Variants in SFMBT2 observed in about 807,000 individuals in gnomAD.
The protein encoded by SFMBT2 is scm-like with four MBT domains protein 2.
Under a neutral mutation model 110.1 loss-of-function variants are expected in SFMBT2, and 38 were observed. The observed-to-expected ratio is 0.35, with a 90% CI of 0.27 to 0.45. SFMBT2 has a LOEUF of 0.45. SFMBT2 is among the 20% of genes least tolerant of loss of function. SFMBT2 has a pLI of 1.00. For synonymous variants in SFMBT2, 425 were observed against 425.4 expected (o/e 1.00, Z 0.01); for missense variants, 1,011 against 1,094.9 (o/e 0.92, Z 1.08).
intron 16 of SFMBT2, among the ~76,000 whole-genome samples, chr10:7,176,886 G>A (rs1457970395): frequency 6.6e-6 from 1 of 152,132 alleles, no homozygotes; most frequent in East Asian, 1.9e-4. Flanking sequence ...AATCGTAAGG[G>A]GTCTCCGGTG....
intron 9 of SFMBT2, among the ~76,000 whole-genome samples, chr10:7,237,351 A>G (rs1247391725): frequency 6.6e-6 from 1 of 152,260 alleles, no homozygotes; most frequent in Admixed American, 6.5e-5. Context: ...TAAACAATCT[A>G]CATGCCCCAA....
At chr10:7,349,442 T>TTC (rs1269932693) in intron 4 of SFMBT2, among the ~76,000 whole-genome samples, 1 of 90,050 alleles carries the variant, frequency 1.1e-5, no homozygotes, top group African/African-American at 4.6e-5. Flanking sequence ...TTTCTTTTCT[T>TTC]TTTTTTTTTT....
intron 4 of SFMBT2, among the ~76,000 whole-genome samples, chr10:7,317,668 A>G (rs964034114): frequency 6.7e-6 from 1 of 148,380 alleles, no homozygotes; most frequent in Non-Finnish European, 1.5e-5. Flanking sequence ...AGTACACATC[A>G]GCAATATCAT....
intron 6 of SFMBT2, among the ~76,000 whole-genome samples, chr10:7,283,192 T>C (rs1300231820): frequency 6.6e-6 from 1 of 152,172 alleles, no homozygotes; most frequent in African/African-American, 2.4e-5. Flanking sequence ...TAGTAAACAT[T>C]CAAGAATGGT....
At chr10:7,366,092 C>T (rs1844888901) in intron 4 of SFMBT2, among the ~76,000 whole-genome samples, 1 of 152,122 alleles carries the variant, frequency 6.6e-6, no homozygotes, top group African/African-American at 2.4e-5. Context: ...CAGTGTCAAC[C>T]TTGGTGCAGG....
rs1319204097 is a variant in SFMBT2 at position 7,172,736 on chromosome 10, G to C, written c.1985-75C>G. 2.7e-6 allele frequency: 4 copies of C among 1,476,470 alleles called. No homozygotes were observed. Among genetic ancestry groups the C allele is most frequent in the Non-Finnish European group, 3.6e-6 (4 of 1,097,840 alleles). The allele number at this position is 1,476,470 out of a possible 1,614,324, so 91.5% of individuals were successfully genotyped here. A position where few individuals can be genotyped will look rare whatever the true frequency, so the allele number is the denominator to read the frequency against. On this transcript the variant is annotated intron_variant, in intron 17 of 20. Coordinates refer to ENST00000397167, the MANE Select transcript of SFMBT2 (RefSeq NM_001387889.1). The surrounding 1 kb of genome is among the most constrained non-coding windows in gnomAD (Gnocchi z 4.6). ...CATGAACAGAGAGAGGAGAGAGAAA[G>C]AAGGGAAACGATTCTTTCATCTGAT...
chr10:7,214,059 G>A (rs761475660), intron 11 of SFMBT2, among the ~76,000 whole-genome samples: 13 of 81,274 alleles, frequency 1.6e-4, no homozygotes, highest in Non-Finnish European at 3.0e-4. Context: ...GGAGACAGAG[G>A]AGCAACCAGG....
At position 7,172,462 on chromosome 10, in the gene SFMBT2, T is replaced by A; in HGVS notation, c.2151+33A>T. ...GCCGGCCAGGGCCAGATGACAGAGCTACAGGCTGGCAGGTGCCCCGGGCAG... is the reference window on the plus strand; with the variant it reads ...GCCGGCCAGGGCCAGATGACAGAGCAACAGGCTGGCAGGTGCCCCGGGCAG... On this transcript the variant is annotated intron_variant, in intron 18 of 20. Transcript: ENST00000397167. This position sits in a 1 kb window ranked among gnomAD's most constrained non-coding sequence, Gnocchi z 4.6. 1 of 1,612,646 alleles carries A rather than the reference T, an allele frequency of 6.2e-7. No homozygotes were observed. The highest frequency in any genetic ancestry group is 1.1e-5 in the South Asian group (1 of 90,996).
At chr10:7,320,536 C>T (rs1181999383) in intron 4 of SFMBT2, 3 of 923,292 alleles carry the variant, frequency 3.2e-6, no homozygotes, top group East Asian at 2.4e-4. Context: ...TGAAAGGAAC[C>T]ATTTCACTAT....
At chr10:7,349,374 T>C (rs1459708082) in intron 4 of SFMBT2, among the ~76,000 whole-genome samples, 1 of 146,752 alleles carries the variant, frequency 6.8e-6, no homozygotes, top group African/African-American at 2.5e-5. Flanking sequence ...GAACACCCTG[T>C]GGGCAGGACA....
chr10:7,339,969 C>T lies in SFMBT2; in HGVS notation c.436+27680G>A, dbSNP rs141196531. On this transcript the variant is annotated intron_variant, in intron 4 of 20. Transcript: ENST00000397167. ...GTTTCTAAGTGAAAGACTCTCATTACGCAAATGAGTGCTTAGGGCCTTAAC... is the reference window on the plus strand; with the variant it reads ...GTTTCTAAGTGAAAGACTCTCATTATGCAAATGAGTGCTTAGGGCCTTAAC... 1.4e-3 allele frequency among the ~76,000 whole-genome samples: 219 copies of T among 152,272 alleles called. 1 individual carries two copies. The Middle Eastern group carries it at 0.017, about 12-fold the overall frequency.
intron 2 of SFMBT2, among the ~76,000 whole-genome samples, chr10:7,381,386 A>T (rs1342446660): frequency 7.2e-5 from 11 of 152,114 alleles, no homozygotes; most frequent in Admixed American, 4.6e-4. Context: ...CATGCAACTA[A>T]CTTCCTGTCA....
In SFMBT2 at chr10:7,370,392, G is replaced by C. The variant is rs373319407; in HGVS notation, c.101-17C>G. On this transcript the variant is annotated splice_polypyrimidine_tract_variant and intron_variant, in intron 2 of 20. Transcript: ENST00000397167. ...AGCCTTCTTCTGTTGAAAAACAAAA[G>C]AACAGAATATCAATACTGGAGTGGA... The C allele has an allele frequency of 6.2e-7, 1 of 1,603,690 alleles. No homozygotes were observed. Among genetic ancestry groups the C allele is most frequent in the African/African-American group, 1.3e-5 (1 of 74,744 alleles).
intron 4 of SFMBT2, among the ~76,000 whole-genome samples, chr10:7,323,717 A>T (rs1403091068): frequency 6.6e-6 from 1 of 152,192 alleles, no homozygotes; most frequent in Non-Finnish European, 1.5e-5. Flanking sequence ...TTGTTTCAAC[A>T]TCTTTAAGAA....
At chr10:7,228,353 G>C in intron 9 of SFMBT2, 1 of 799,386 alleles carries the variant, frequency 1.3e-6, no homozygotes, top group Non-Finnish European at 1.5e-6. Context: ...GAAAACATGA[G>C]ATTTTACTGG....
chr10:7,250,835 G>T (rs1040431125), intron 7 of SFMBT2, among the ~76,000 whole-genome samples: 1 of 152,252 alleles, frequency 6.6e-6, no homozygotes, highest in African/African-American at 2.4e-5. Flanking sequence ...ATTTTTAAAG[G>T]TGGCTGGGGG....
intron 7 of SFMBT2, among the ~76,000 whole-genome samples, chr10:7,275,731 T>A (rs191856678): frequency 1.3e-5 from 2 of 152,300 alleles, no homozygotes; most frequent in Admixed American, 1.3e-4. Context: ...ATCTTAATAG[T>A]CCAATTTTAC....
chr10:7,373,687 A>C (rs1195780317), intron 2 of SFMBT2, among the ~76,000 whole-genome samples: 1 of 152,156 alleles, frequency 6.6e-6, no homozygotes, highest in Admixed American at 6.5e-5. Context: ...CAAAGTGATG[A>C]GTCTGTCTCT....
At chr10:7,177,808 T>C (rs1838119178) in intron 16 of SFMBT2, among the ~76,000 whole-genome samples, 1 of 151,434 alleles carries the variant, frequency 6.6e-6, no homozygotes, top group Admixed American at 6.6e-5. Context: ...CAATAAGCTA[T>C]GATTGTACCA....
Sources: allele counts gnomAD v4.1 joint callset (sites outside exome capture counted in the v4.1 genomes callset), GRCh38; gene constraint gnomAD v4.1.1; non-coding constraint Gnocchi (gnomAD v3.1); transcripts MANE v1.5; gene names NCBI Gene and HGNC (gene_info 2026-07-23, HGNC 2026-07-21).